Variants in CCDC181 observed in about 807,000 individuals in gnomAD.
CCDC181 encodes the protein coiled-coil domain-containing protein 181.
CCDC181 carries 35 observed loss-of-function variants against 58.7 expected under a neutral mutation model. That is an observed-to-expected ratio of 0.60 (90% confidence interval 0.46 to 0.79). CCDC181 has a LOEUF of 0.79. CCDC181 is among the 30% of genes least tolerant of loss of function. The pLI is 0.00. For missense variants in CCDC181, 517 were observed against 583.9 expected, an observed-to-expected ratio of 0.89 and a Z score of 1.18; for synonymous variants, 183 against 197.5, an observed-to-expected ratio of 0.93 and a Z score of 0.62.
chr1:169,413,094 A>G (rs1571480885), intron 4 of CCDC181, among the ~76,000 whole-genome samples: 2 of 152,332 alleles, frequency 1.3e-5, no homozygotes, highest in South Asian at 4.1e-4. Context: ...GGCGACCTAC[A>G]GAATGGGAGA....
chr1:169,455,232 C>A (rs932867767), intron 2 of CCDC181, among the ~76,000 whole-genome samples: 3 of 151,426 alleles, frequency 2.0e-5, no homozygotes, highest in Admixed American at 1.3e-4. Flanking sequence ...TTTTTTCTTT[C>A]ATAATTGAGA....
intron 4 of CCDC181, among the ~76,000 whole-genome samples, chr1:169,412,706 C>T (rs1656034469): frequency 6.6e-6 from 1 of 152,122 alleles, no homozygotes; most frequent in Admixed American, 6.5e-5. Context: ...ACAGAGGACT[C>T]AGAAATAATG....
At chr1:169,417,139 C>T (rs1656250745) in intron 4 of CCDC181, among the ~76,000 whole-genome samples, 1 of 152,186 alleles carries the variant, frequency 6.6e-6, no homozygotes, top group African/African-American at 2.4e-5. Context: ...ACAAGTTTAA[C>T]ACCAGCTGGG....
At chr1:169,436,814 G>A (rs1314491551) in intron 2 of CCDC181, among the ~76,000 whole-genome samples, 3 of 152,088 alleles carry the variant, frequency 2.0e-5, no homozygotes, top group Admixed American at 6.5e-5. Flanking sequence ...ACTGGGAGGT[G>A]AATAATTCAT....
chr1:169,432,414 A>G (rs916838631), upstream of CCDC181, among the ~76,000 whole-genome samples: 1 of 152,198 alleles, frequency 6.6e-6, no homozygotes, highest in African/African-American at 2.4e-5. Context: ...AAGAAGTAGT[A>G]TGATAATTTG....
intron 2 of CCDC181, chr1:169,454,459 TG>T (rs1480474571): frequency 1.3e-5 from 2 of 152,054 alleles, no homozygotes; most frequent in Admixed American, 6.6e-5. Flanking sequence ...AAGTTTATAT[TG>T]GGGGATTAAT....
chr1:169,399,870 C>T (rs1557858050), intron 4 of CCDC181, among the ~76,000 whole-genome samples: 1 of 152,198 alleles, frequency 6.6e-6, no homozygotes, highest in African/African-American at 2.4e-5. Context: ...AAGGAGGAGT[C>T]ATAGCATCAA....
At chr1:169,396,916 C>T (rs892284413) in intron 5 of CCDC181, among the ~76,000 whole-genome samples, 2 of 152,032 alleles carry the variant, frequency 1.3e-5, no homozygotes, top group African/African-American at 4.8e-5. Flanking sequence ...ATCTTCAACC[C>T]ATTTCTCACA....
intron 2 of CCDC181, among the ~76,000 whole-genome samples, chr1:169,454,850 A>G (rs1237583967): frequency 6.6e-6 from 1 of 151,974 alleles, no homozygotes. Flanking sequence ...TTAAAGAAAA[A>G]GTTTTATCCA....
At chr1:169,410,675 A>G (rs1209461513) in intron 4 of CCDC181, among the ~76,000 whole-genome samples, 1 of 152,230 alleles carries the variant, frequency 6.6e-6, no homozygotes, top group Non-Finnish European at 1.5e-5. Flanking sequence ...AAAGAATGCA[A>G]ATCATAACAA....
At chr1:169,429,654 C>T (rs150705357), upstream of CCDC181, among the ~76,000 whole-genome samples, 1,344 of 151,938 alleles carry the variant, frequency 8.8e-3, 20 homozygotes, top group African/African-American at 0.03. Context: ...TGAGCTTATT[C>T]GTTTTTTCCT....
chr1:169,422,842 T>G (rs1656542804), intron 2 of CCDC181, among the ~76,000 whole-genome samples: 1 of 151,734 alleles, frequency 6.6e-6, no homozygotes. Flanking sequence ...GGTCAATTTT[T>G]ACCTCTAGAT....
At chr1:169,440,367 C>T (rs1173970755) in intron 2 of CCDC181, among the ~76,000 whole-genome samples, 3 of 152,228 alleles carry the variant, frequency 2.0e-5, no homozygotes, top group Non-Finnish European at 4.4e-5. Flanking sequence ...TTGCCCACTG[C>T]CTAGACAGAG....
chr1:169,402,811 A>G (rs1571464312), intron 4 of CCDC181, among the ~76,000 whole-genome samples: 1 of 152,310 alleles, frequency 6.6e-6, no homozygotes, highest in Admixed American at 6.5e-5. Flanking sequence ...TAACAATATT[A>G]ACTTTAGATG....
chr1:169,443,066 G>A (rs1421006005), intron 2 of CCDC181: 2 of 151,246 alleles, frequency 1.3e-5, no homozygotes, highest in Admixed American at 1.3e-4. Flanking sequence ...ATGAAAATAT[G>A]CCTAACTATC....
chr1:169,397,425 T>TA, intron 4 of CCDC181, 34 bp from the exon 5 acceptor site: 1 of 1,559,006 alleles, frequency 6.4e-7, no homozygotes, highest in Non-Finnish European at 8.7e-7. Context: ...TTAGTTTAGA[T>TA]AAACAAGAAC....
At position 169,424,889 on chromosome 1, in the gene CCDC181, T is replaced by C; in HGVS notation, c.39A>G (p.Glu13=). The C allele has an allele frequency of 6.2e-7, 1 of 1,605,474 alleles. No homozygotes were observed. The highest frequency in any genetic ancestry group is 8.5e-7 in the Non-Finnish European group (1 of 1,173,382). Residue 13 remains glutamate (E), a synonymous_variant, in exon 2 of 6, where the codon GAA becomes GAG. Transcript: ENST00000367806. ...ENKDTDSKKS[E]EYEDDFEKDL... is the part of the protein sequence containing the mutation. Reference sequence around the variant, plus strand: ...CCTTTTCAAAGTCATCTTCGTATTCTTCACTTTTCTTTGAATCAGTATCTT... The same window carrying C: ...CCTTTTCAAAGTCATCTTCGTATTCCTCACTTTTCTTTGAATCAGTATCTT...
intron 2 of CCDC181, among the ~76,000 whole-genome samples, chr1:169,449,361 T>C (rs936494514): frequency 6.6e-6 from 1 of 152,212 alleles, no homozygotes; most frequent in Admixed American, 6.5e-5. Context: ...ATTTCTCTAG[T>C]ATCCGTTTTC....
intron 1 of CCDC181, among the ~76,000 whole-genome samples, chr1:169,425,296 TC>T (rs1250602242): frequency 6.6e-6 from 1 of 152,094 alleles, no homozygotes; most frequent in African/African-American, 2.4e-5. Flanking sequence ...CGCTTTGTTC[TC>T]CCCAAACCTT....
Sources: allele counts gnomAD v4.1 joint callset (sites outside exome capture counted in the v4.1 genomes callset), GRCh38; gene constraint gnomAD v4.1.1; transcripts MANE v1.5; gene names NCBI Gene and HGNC (gene_info 2026-07-23, HGNC 2026-07-21).